Variants in PCDHGB3 observed in about 807,000 individuals in gnomAD.
PCDHGB3 encodes the protein protocadherin gamma-B3.
A neutral mutation model predicts 59.2 loss-of-function variants in PCDHGB3; 40 were observed. The ratio of observed to expected loss-of-function variants is 0.68; its 90% CI spans 0.52 to 0.88. PCDHGB3 has a LOEUF of 0.88. PCDHGB3 is among the 40% of genes least tolerant of loss of function. PCDHGB3 has a pLI of 0.00. For synonymous variants in PCDHGB3, 581 were observed against 503.6 expected (o/e 1.15, Z -2.06); for missense variants, 1,309 against 1,187.9 (o/e 1.10, Z -1.50).
rs898536568 is a variant in PCDHGB3 at position 141,478,080 on chromosome 5, C to T, written c.2416-16727C>T. The T allele has an allele frequency of 1.9e-6, 3 of 1,614,012 alleles. No homozygotes were observed. The Admixed American group carries it at 5.0e-5, about 27-fold the overall frequency. The stretch of plus-strand genomic sequence containing the variant: ...TTGATCAAAGACAATGGGGAGCCTT[C>T]GCTCTCCACCACTGCTACCCTCACT... On this transcript the variant is annotated intron_variant, in intron 1 of 3. Coordinates refer to ENST00000576222, the MANE Select transcript of PCDHGB3 (RefSeq NM_018924.5).
chr5:141,455,254 G>T (rs936599726), intron 1 of PCDHGB3, among the ~76,000 whole-genome samples: 3 of 151,732 alleles, frequency 2.0e-5, no homozygotes, highest in African/African-American at 7.3e-5. Context: ...TAGTACAATC[G>T]CATTTCTTCC....
At position 141,409,389 on chromosome 5, in the gene PCDHGB3, C is replaced by G; in HGVS notation, c.2415+36580C>G. On this transcript the variant is annotated intron_variant, in intron 1 of 3. Transcript: ENST00000576222. ...ACAGACATTCCATTCAAGATTTATT[C>G]TTCTTCCAATAACTACTACAAACTG... 6.2e-7 allele frequency: 1 copy of G among 1,614,006 alleles called. No homozygotes were observed. Among genetic ancestry groups the G allele is most frequent in the Admixed American group, 1.7e-5 (1 of 60,020 alleles).
At chr5:141,488,951 A>G (rs2099680664) in intron 1 of PCDHGB3, among the ~76,000 whole-genome samples, 1 of 152,118 alleles carries the variant, frequency 6.6e-6, no homozygotes, top group Admixed American at 6.5e-5. Flanking sequence ...ATTGGTTGAG[A>G]GCACACAGAC....
At chr5:141,380,386 G>A (rs1776453740) in intron 1 of PCDHGB3, among the ~76,000 whole-genome samples, 1 of 152,168 alleles carries the variant, frequency 6.6e-6, no homozygotes. Flanking sequence ...AAAAAGAAAA[G>A]AGAGAAGATA....
At chr5:141,414,287 C>A (rs374229359) in intron 1 of PCDHGB3, 4 of 1,613,316 alleles carry the variant, frequency 2.5e-6, no homozygotes, top group Non-Finnish European at 3.4e-6. Flanking sequence ...ACAGTCGTAG[C>A]CCTTTTAAAT....
intron 1 of PCDHGB3, chr5:141,423,496 G>A (rs1049120602): frequency 1.2e-6 from 2 of 1,613,804 alleles, no homozygotes; most frequent in African/African-American, 1.3e-5. Flanking sequence ...CTATTCCCAC[G>A]AGGTCTCTCT....
Position 141,375,902 on chromosome 5 carries a change from C to A in PCDHGB3, c.2415+3093C>A. The stretch of plus-strand genomic sequence containing the variant: ...GGGCCAGAACGCCTGGCTGTCCTAC[C>A]GCCTGCTCAAGGCCAGCGAGCCAGG... On this transcript the variant is annotated intron_variant, in intron 1 of 3. Coordinates refer to ENST00000576222, the MANE Select transcript of PCDHGB3 (RefSeq NM_018924.5). 5 of 1,613,784 alleles carry A rather than the reference C, an allele frequency of 3.1e-6. No individual in the cohort carries two copies. The Admixed American group carries it at 5.0e-5, about 16-fold the overall frequency.
At chr5:141,464,443 T>G (rs903733972) in intron 1 of PCDHGB3, among the ~76,000 whole-genome samples, 1 of 151,634 alleles carries the variant, frequency 6.6e-6, no homozygotes, top group African/African-American at 2.4e-5. Context: ...ATGTTTGTTG[T>G]TGTTGTTGTT....
intron 1 of PCDHGB3, chr5:141,399,517 G>A: frequency 1.9e-6 from 3 of 1,613,998 alleles, no homozygotes; most frequent in Non-Finnish European, 2.5e-6. Flanking sequence ...CAACCCTCCT[G>A]GGGCCTCCAT....
At position 141,490,356 on chromosome 5, in the gene PCDHGB3, T is replaced by C. The variant is rs771968534; in HGVS notation, c.2416-4451T>C. ...CAGTGGGCACAGTAGTGGGGTTGTT[T>C]AATGTGCGAGACCGGGACTCAGGTA... On this transcript the variant is annotated intron_variant, in intron 1 of 3. Coordinates refer to ENST00000576222, the MANE Select transcript of PCDHGB3 (RefSeq NM_018924.5). The surrounding 1 kb of genome is among the most constrained non-coding windows in gnomAD (Gnocchi z 5.4). 1.4e-5 allele frequency: 23 copies of C among 1,614,084 alleles called. No individual in the cohort carries two copies. Among genetic ancestry groups the C allele is most frequent in the Non-Finnish European group, 1.9e-5 (22 of 1,180,038 alleles).
chr5:141,465,966 C>CA (rs2099113454), intron 1 of PCDHGB3, among the ~76,000 whole-genome samples: 1 of 151,802 alleles, frequency 6.6e-6, no homozygotes, highest in Non-Finnish European at 1.5e-5. Flanking sequence ...ACTAAAAATA[C>CA]AAAAAATTAG....
chr5:141,394,158 C>G lies in PCDHGB3; in HGVS notation c.2415+21349C>G, dbSNP rs777816337. 1.2e-5 allele frequency: 19 copies of G among 1,613,726 alleles called. No homozygotes were observed. The Admixed American group carries it at 2.0e-4, about 17-fold the overall frequency. On this transcript the variant is annotated intron_variant, in intron 1 of 3. Transcript: ENST00000576222. ...GCACGTGGCAGACATTAACGACAAC[C>G]CTCCTACTTTCCCTCATGCCTCCTA...
intron 1 of PCDHGB3, chr5:141,399,930 C>G (rs1168427748): frequency 6.2e-7 from 1 of 1,612,208 alleles, no homozygotes. Context: ...CCTGGCTGTC[C>G]TACCACGTGC....
At chr5:141,420,370 T>A in intron 1 of PCDHGB3, 1 of 1,352,032 alleles carries the variant, frequency 7.4e-7, no homozygotes, top group South Asian at 1.8e-5. Flanking sequence ...GATAACTTCT[T>A]CATAGAGTTC....
intron 1 of PCDHGB3, among the ~76,000 whole-genome samples, chr5:141,448,604 A>G (rs954578256): frequency 1.3e-5 from 2 of 152,118 alleles, no homozygotes; most frequent in Non-Finnish European, 2.9e-5. Flanking sequence ...AATACTATAC[A>G]CCACTTTATA....
intron 1 of PCDHGB3, chr5:141,419,596 G>A (rs377287183): frequency 2.6e-5 from 42 of 1,611,564 alleles, no homozygotes; most frequent in Non-Finnish European, 3.3e-5. Flanking sequence ...ACACAGTGCC[G>A]CGGGCCGCGC....
rs117560542 is a variant in PCDHGB3 at position 141,375,655 on chromosome 5, G to A, written c.2415+2846G>A. ...CCCTGCGCTCCTTCGACTATGAGCA[G>A]TTGAGAGACCTACAGCTGTGGGTGA... is the stretch of plus-strand genomic sequence containing the variant. On this transcript the variant is annotated intron_variant, in intron 1 of 3. Transcript: ENST00000576222. 2.4e-4 allele frequency: 382 copies of A among 1,614,246 alleles called. 5 individuals are homozygous for A. The East Asian group carries it at 8.3e-3, about 35-fold the overall frequency.
chr5:141,451,428 G>T (rs552096051), intron 1 of PCDHGB3, among the ~76,000 whole-genome samples: 17 of 152,166 alleles, frequency 1.1e-4, no homozygotes, highest in Non-Finnish European at 2.1e-4. Context: ...TTAGACTAAG[G>T]GTTCCAGTTC....
rs1346536726 is a variant in PCDHGB3 at position 141,375,203 on chromosome 5, C to A, written c.2415+2394C>A. 10 of 1,613,794 alleles carry A rather than the reference C, an allele frequency of 6.2e-6. No individual in the cohort carries two copies. In the Admixed American group the frequency reaches 1.3e-4, roughly 22 times the overall value. ...AATCGCCCTTTTTCAAGTGTTCGATCGAGACTCTGGCCTGAATGGCCTGGT... is the reference window on the plus strand; with the variant it reads ...AATCGCCCTTTTTCAAGTGTTCGATAGAGACTCTGGCCTGAATGGCCTGGT... On this transcript the variant is annotated intron_variant, in intron 1 of 3. Transcript: ENST00000576222.
Sources: gnomAD v4.1 joint callset for allele counts (sites outside exome capture counted in the v4.1 genomes callset) on GRCh38, gnomAD v4.1.1 for gene constraint, Gnocchi (gnomAD v3.1) non-coding constraint, MANE v1.5 for transcripts, NCBI Gene and HGNC (gene_info 2026-07-23, HGNC 2026-07-21) for gene names.